IL1RAP: variants seen among roughly 807,000 people sequenced by gnomAD.
The protein encoded by IL1RAP is interleukin 1 receptor accessory protein, also known as interleukin-1 receptor accessory protein.
In IL1RAP, 35 loss-of-function variants were observed where a neutral mutation model predicts 60.7. The ratio of observed to expected loss-of-function variants is 0.58; its 90% CI spans 0.44 to 0.76. IL1RAP has a LOEUF of 0.76. IL1RAP is among the 30% of genes least tolerant of loss of function. The pLI is 0.00. For synonymous variants in IL1RAP, 268 were observed against 250.9 expected, an observed-to-expected ratio of 1.07 and a Z score of -0.64; for missense variants, 572 against 693.9, an observed-to-expected ratio of 0.82 and a Z score of 1.97.
At chr3:190,602,293 A>C (rs1424816792) in intron 3 of IL1RAP, among the ~76,000 whole-genome samples, 1 of 152,212 alleles carries the variant, frequency 6.6e-6, no homozygotes, top group African/African-American at 2.4e-5. Flanking sequence ...GTAAGCAAAC[A>C]ATTTTCAACT....
intron 3 of IL1RAP, among the ~76,000 whole-genome samples, chr3:190,577,907 C>T (rs1727638253): frequency 6.6e-6 from 1 of 152,126 alleles, no homozygotes; most frequent in Non-Finnish European, 1.5e-5. Flanking sequence ...TTTATTTCTG[C>T]CCCTTTTAAA....
intron 3 of IL1RAP, among the ~76,000 whole-genome samples, chr3:190,572,814 C>T (rs1727044758): frequency 6.6e-6 from 1 of 151,310 alleles, no homozygotes. Context: ...CATCTAGTGC[C>T]CCTACAGCCA....
Position 190,532,502 on chromosome 3 carries a change from T to A in IL1RAP, c.-89+18283T>A, listed in dbSNP as rs534209102. On this transcript the variant is annotated intron_variant, in intron 1 of 11. Transcript: ENST00000447382. The stretch of plus-strand genomic sequence containing the variant: ...TGTTCTCGATCTCCTGACCTCGTGA[T>A]CTGCCCGCCTCGGCCTCCCAAAGTG... Among the ~76,000 whole-genome samples the A allele has an allele frequency of 2.0e-5, 3 of 152,290 alleles. 1 individual carries two copies. The East Asian group carries it at 5.8e-4, about 29-fold the overall frequency.
chr3:190,535,164 G>C (rs16865566), intron 1 of IL1RAP, among the ~76,000 whole-genome samples: 16,102 of 152,090 alleles, frequency 0.11, 1,217 homozygotes, highest in East Asian at 0.36. Flanking sequence ...ATCACATTCA[G>C]TTTACTCATT....
downstream of IL1RAP, chr3:190,655,750 C>CGT: frequency 1.9e-5 from 11 of 587,416 alleles, no homozygotes; most frequent in South Asian, 8.0e-5. Flanking sequence ...ATTTTTTTGA[C>CGT]TGGGTAAATT....
At chr3:190,631,542 T>C (rs537615796) in intron 9 of IL1RAP, among the ~76,000 whole-genome samples, 167 of 152,344 alleles carry the variant, frequency 1.1e-3, no homozygotes, top group African/African-American at 3.7e-3. Flanking sequence ...TTGGCTTCTA[T>C]TCTGGGCCAG....
intron 9 of IL1RAP, among the ~76,000 whole-genome samples, chr3:190,635,416 C>G (rs942798346): frequency 6.6e-6 from 1 of 151,988 alleles, no homozygotes; most frequent in Non-Finnish European, 1.5e-5. Context: ...TTCTTTTTGT[C>G]AGTCATCCTA....
intron 4 of IL1RAP, among the ~76,000 whole-genome samples, chr3:190,605,233 C>A (rs978483461): frequency 6.6e-6 from 1 of 152,022 alleles, no homozygotes; most frequent in African/African-American, 2.4e-5. Flanking sequence ...TGTAAAATTT[C>A]TTTTCAATCC....
chr3:190,649,939 T>G lies in IL1RAP; in HGVS notation c.*1234T>G, dbSNP rs944573132. 1.2e-6 allele frequency: 1 copy of G among 848,408 alleles called. No homozygotes were observed. The highest frequency in any genetic ancestry group is 1.4e-6 in the Non-Finnish European group (1 of 705,150). The allele number at this position is 848,408 out of a possible 1,614,324, so 52.6% of individuals were successfully genotyped here. A position where few individuals can be genotyped will look rare whatever the true frequency, so the allele number is the denominator to read the frequency against. On this transcript the variant is annotated 3_prime_UTR_variant, in exon 12 of 12. Coordinates refer to ENST00000447382, the MANE Select transcript of IL1RAP (RefSeq NM_002182.4). The stretch of plus-strand genomic sequence containing the variant: ...ATCTATGTTACATGTAGATTATACA[T>G]ATATATACACACGTGTATATGAGAT...
intron 1 of IL1RAP, chr3:190,520,476 T>A (rs1221682224): frequency 6.6e-6 from 1 of 152,166 alleles, no homozygotes; most frequent in African/African-American, 2.4e-5. Context: ...CCCATTTCTG[T>A]CCTAATAATA....
intron 1 of IL1RAP, among the ~76,000 whole-genome samples, chr3:190,529,265 G>A (rs1181765119): frequency 2.6e-5 from 4 of 152,186 alleles, no homozygotes; most frequent in East Asian, 1.9e-4. Flanking sequence ...GCAGCCAGGC[G>A]CAGTGGCTCA....
downstream of IL1RAP, among the ~76,000 whole-genome samples, chr3:190,655,109 T>C (rs1734570601): frequency 6.6e-6 from 1 of 152,186 alleles, no homozygotes; most frequent in Non-Finnish European, 1.5e-5. Flanking sequence ...TACTATGAAC[T>C]GTCCGATGTT....
intron 5 of IL1RAP, among the ~76,000 whole-genome samples, chr3:190,615,936 G>A (rs1370227927): frequency 1.3e-5 from 2 of 152,048 alleles, no homozygotes; most frequent in Admixed American, 6.6e-5. Flanking sequence ...ACATAGATTG[G>A]TTCTTTAACT....
chr3:190,607,004 A>G (rs1291530582), intron 4 of IL1RAP, among the ~76,000 whole-genome samples: 4 of 152,154 alleles, frequency 2.6e-5, no homozygotes, highest in Non-Finnish European at 4.4e-5. Flanking sequence ...ACTTCCACCT[A>G]TAGAATCTGT....
chr3:190,654,859 C>G (rs1399407070), downstream of IL1RAP, among the ~76,000 whole-genome samples: 1 of 152,210 alleles, frequency 6.6e-6, no homozygotes, highest in Non-Finnish European at 1.5e-5. Flanking sequence ...GCTCCTAAAT[C>G]TCACAGTGAG....
chr3:190,654,044 C>T (rs1734516906), downstream of IL1RAP, among the ~76,000 whole-genome samples: 1 of 151,872 alleles, frequency 6.6e-6, no homozygotes, highest in South Asian at 2.1e-4. Flanking sequence ...GGATGGAGTA[C>T]CAATAAAAAA....
In IL1RAP at chr3:190,648,418, G is replaced by A; in HGVS notation, c.1426G>A (p.Gly476Arg). ...VVLSPNYVLQ[G>R]TQALLELKAG... ...TCTAAGCCCCAACTACGTGCTCCAG[G>A]GAACCCAAGCCCTCCTGGAGCTCAA... Residue 476 changes from glycine (G) to arginine (R), a missense_variant, in exon 12 of 12, where the codon GGA (glycine) becomes AGA (arginine). Physicochemically the swap from Gly to Arg is moderately radical, Grantham distance 125. Coordinates refer to ENST00000447382, the MANE Select transcript of IL1RAP (RefSeq NM_002182.4). The A allele has an allele frequency of 6.2e-7, 1 of 1,614,022 alleles. No homozygotes were observed. Among genetic ancestry groups the A allele is most frequent in the Non-Finnish European group, 8.5e-7 (1 of 1,179,992 alleles).
intron 7 of IL1RAP, among the ~76,000 whole-genome samples, chr3:190,624,007 A>G (rs1246109785): frequency 6.6e-6 from 1 of 152,250 alleles, no homozygotes; most frequent in East Asian, 1.9e-4. Context: ...ACAGGAAACT[A>G]TAGAAAATTT....
intron 9 of IL1RAP, among the ~76,000 whole-genome samples, chr3:190,641,029 A>C (rs192175063): frequency 6.6e-6 from 1 of 152,080 alleles, no homozygotes; most frequent in East Asian, 1.9e-4. Flanking sequence ...GCAATGGTGC[A>C]ATCTTGGCTC....
Sources: allele counts gnomAD v4.1 joint callset (sites outside exome capture counted in the v4.1 genomes callset), GRCh38; gene constraint gnomAD v4.1.1; transcripts MANE v1.5; gene names NCBI Gene and HGNC (gene_info 2026-07-23, HGNC 2026-07-21).